ENPP1: variants seen among roughly 807,000 people sequenced by gnomAD.
ENPP1 encodes ectonucleotide pyrophosphatase/phosphodiesterase 1.
Under a neutral mutation model 122.8 loss-of-function variants are expected in ENPP1, and 73 were observed. That is an observed-to-expected ratio of 0.59 (90% CI 0.49 to 0.72). The LOEUF (loss-of-function observed/expected upper bound fraction) is 0.72. Among genes scored for constraint, ENPP1 ranks in the 30% least tolerant of loss-of-function variants. ENPP1 has a pLI of 0.00. For missense variants in ENPP1, 978 were observed against 1,128.1 expected (o/e 0.87, Z 1.91); for synonymous variants, 367 against 391.6 (o/e 0.94, Z 0.74).
At chr6:131,881,461 T>G (rs532271436) in intron 20 of ENPP1, among the ~76,000 whole-genome samples, 3 of 152,292 alleles carry the variant, frequency 2.0e-5, no homozygotes, top group African/African-American at 7.2e-5. Context: ...AACTTTACAG[T>G]CATTGCGATG....
intron 6 of ENPP1, among the ~76,000 whole-genome samples, chr6:131,855,358 C>T (rs2114696632): frequency 1.3e-5 from 2 of 152,284 alleles, no homozygotes; most frequent in South Asian, 2.1e-4. Context: ...CTGAGTCTCA[C>T]TCTGTCGCCC....
Position 131,881,703 on chromosome 6 carries a change from G to A in ENPP1, c.2101-642G>A, listed in dbSNP as rs189285347. On this transcript the variant is annotated intron_variant, in intron 20 of 24. Transcript: ENST00000647893. ...TCGAGACCATCCTGGCTAACATGGTGAAACCCTGTCTCTACTAAAAATACA... is the reference window on the plus strand; with the variant it reads ...TCGAGACCATCCTGGCTAACATGGTAAAACCCTGTCTCTACTAAAAATACA... Among the ~76,000 whole-genome samples the A allele has an allele frequency of 3.6e-3, 545 of 152,214 alleles. 2 individuals are homozygous for A. The highest frequency in any genetic ancestry group is 0.012 in the African/African-American group (516 of 41,532).
chr6:131,869,952 A>G (rs1016291667), intron 13 of ENPP1, among the ~76,000 whole-genome samples: 6 of 152,192 alleles, frequency 3.9e-5, no homozygotes, highest in South Asian at 2.1e-4. Context: ...TAAATCTCCA[A>G]TGCAGAGCTT....
chr6:131,889,692 G>T (rs529652831), intron 24 of ENPP1, among the ~76,000 whole-genome samples: 17 of 152,208 alleles, frequency 1.1e-4, no homozygotes, highest in Non-Finnish European at 2.2e-4. Context: ...GTCTATCATT[G>T]TTGGGCACTT....
At chr6:131,823,437 T>C (rs953601653) in intron 1 of ENPP1, among the ~76,000 whole-genome samples, 1 of 152,210 alleles carries the variant, frequency 6.6e-6, no homozygotes, top group African/African-American at 2.4e-5. Context: ...GATGGCACTT[T>C]GCCCATTTAG....
rs1233104345 is a variant in ENPP1, at chr6:131,876,932, AG to A, written c.1724-59del. 3.0e-5 allele frequency: 45 copies of A among 1,497,768 alleles called. No homozygotes were observed. The East Asian group carries it at 1.0e-3, about 34-fold the overall frequency. 92.8% of individuals were successfully genotyped at this position (1,497,768 alleles called of 1,614,324 possible). A position where few individuals can be genotyped will look rare whatever the true frequency, so the allele number is the denominator to read the frequency against. Reference sequence around the variant, plus strand: ...TTAAAAAAGTAAAGATCATGGCACAAGTCTACTATTTGTTTGATTTGAAACA... The same window carrying A: ...TTAAAAAAGTAAAGATCATGGCACAATCTACTATTTGTTTGATTTGAAACA... On this transcript the variant is annotated intron_variant, in intron 17 of 24. Transcript: ENST00000647893.
In ENPP1 at chr6:131,826,565, A is replaced by G. The variant is rs1373231459; in HGVS notation, c.240+18290A>G. On this transcript the variant is annotated intron_variant, in intron 1 of 24. Coordinates refer to ENST00000647893, the MANE Select transcript of ENPP1 (RefSeq NM_006208.3). ...TTTTCCTTTAGGTCTAACTCATGCA[A>G]ATTATTCAGGCTGAAAATGGAGTAT... The G allele has an allele frequency of 1.5e-5, 18 of 1,223,940 alleles. 1 individual carries two copies. In the Admixed American group the frequency reaches 3.1e-4, roughly 21 times the overall value. 75.8% of individuals were successfully genotyped at this position (1,223,940 alleles called of 1,614,324 possible). A position where few individuals can be genotyped will look rare whatever the true frequency, so the allele number is the denominator to read the frequency against.
chr6:131,840,380 T>A (rs1038255041), intron 1 of ENPP1, among the ~76,000 whole-genome samples: 5 of 152,240 alleles, frequency 3.3e-5, no homozygotes, highest in Admixed American at 2.0e-4. Flanking sequence ...GTTAATGCAC[T>A]GGTTTATGGC....
intron 1 of ENPP1, chr6:131,828,129 G>T: frequency 1.7e-6 from 1 of 582,524 alleles, no homozygotes; most frequent in South Asian, 1.4e-5. Context: ...TGTCAGTGGA[G>T]GTCGTTCTGG....
chr6:131,814,185 G>T (rs1238147912), intron 1 of ENPP1, among the ~76,000 whole-genome samples: 4 of 152,176 alleles, frequency 2.6e-5, no homozygotes, highest in Non-Finnish European at 5.9e-5. Flanking sequence ...AGAGGCTAAT[G>T]CCTGAAATCC....
At chr6:131,873,339 C>T (rs574130694) in intron 15 of ENPP1, among the ~76,000 whole-genome samples, 24 of 152,196 alleles carry the variant, frequency 1.6e-4, no homozygotes, top group African/African-American at 5.5e-4. Flanking sequence ...TGTCCGTCAG[C>T]GTTGCCAAAA....
At chr6:131,877,452 T>G (rs1782245074) in intron 18 of ENPP1, 1 of 440,124 alleles carries the variant, frequency 2.3e-6, no homozygotes. Flanking sequence ...GAAGTCTAGT[T>G]CAGTTCTTGA....
intron 1 of ENPP1, among the ~76,000 whole-genome samples, chr6:131,811,706 G>GC (rs1183602121): frequency 6.6e-6 from 1 of 152,116 alleles, no homozygotes; most frequent in African/African-American, 2.4e-5. Flanking sequence ...TTAAAGAATT[G>GC]CCCCTGGGAA....
chr6:131,851,120 T>C (rs777233845), intron 3 of ENPP1, 22 bp from the exon 4 acceptor site: 2 of 1,613,408 alleles, frequency 1.2e-6, no homozygotes, highest in Non-Finnish European at 1.7e-6. Context: ...ATAAAACACA[T>C]TTTGCTGATG....
At chr6:131,826,841 C>A in intron 1 of ENPP1, 1 of 378,292 alleles carries the variant, frequency 2.6e-6, no homozygotes, top group East Asian at 6.2e-5. Flanking sequence ...CACAGCCTCC[C>A]TGTGTGGGGC....
intron 1 of ENPP1, among the ~76,000 whole-genome samples, chr6:131,810,154 T>C (rs1781330327): frequency 6.6e-6 from 1 of 151,886 alleles, no homozygotes; most frequent in African/African-American, 2.4e-5. Context: ...AGCCCAGGAG[T>C]TTGAGACCAG....
rs371896132 is a variant in ENPP1 at position 131,890,639 on chromosome 6, C to T, written c.*128C>T. On this transcript the variant is annotated 3_prime_UTR_variant, in exon 25 of 25. Transcript: ENST00000647893. ...AGTTAGAACGGAGCCCTCGGTGATG[C>T]GGACATCTCAGGGAAACTTGCGTAC... 54 of 807,976 alleles carry T rather than the reference C, an allele frequency of 6.7e-5. 1 individual carries two copies. Among genetic ancestry groups the T allele is most frequent in the African/African-American group, 5.8e-4 (34 of 58,216 alleles). 50.1% of individuals were successfully genotyped at this position (807,976 alleles called of 1,614,324 possible). A position where few individuals can be genotyped will look rare whatever the true frequency, so the allele number is the denominator to read the frequency against.
At chr6:131,860,341 C>G (rs967662905) in intron 7 of ENPP1, 46 bp from the exon 8 acceptor site, 2 of 1,411,092 alleles carry the variant, frequency 1.4e-6, no homozygotes, top group Non-Finnish European at 2.0e-6. Context: ...ATGTATTTAA[C>G]ATTAAGTAAA....
chr6:131,824,744 G>A (rs1409950476), intron 1 of ENPP1, among the ~76,000 whole-genome samples: 1 of 149,706 alleles, frequency 6.7e-6, no homozygotes, highest in Admixed American at 6.7e-5. Context: ...ATGAGCCACC[G>A]TGCCCAGCCG....
Sources: gnomAD v4.1 joint callset for allele counts (sites outside exome capture counted in the v4.1 genomes callset) on GRCh38, gnomAD v4.1.1 for gene constraint, MANE v1.5 for transcripts, NCBI Gene and HGNC (gene_info 2026-07-23, HGNC 2026-07-21) for gene names.